PCNX1: variants seen among roughly 807,000 people sequenced by gnomAD.
PCNX1 encodes pecanex 1.
PCNX1 carries 78 observed loss-of-function variants against 242.2 expected under a neutral mutation model. The ratio of observed to expected loss-of-function variants is 0.32; its 90% CI spans 0.27 to 0.39. PCNX1 has a LOEUF of 0.39. Ranked by LOEUF, PCNX1 falls within the 10% of genes least tolerant of loss-of-function variation. The probability of loss-of-function intolerance (pLI) is 1.00; values close to 1 mark genes in which losing one functional copy is unlikely to be tolerated. For missense variants in PCNX1, 2,581 were observed against 2,856.5 expected (o/e 0.90, Z 2.20); for synonymous variants, 1,024 against 1,032.9 (o/e 0.99, Z 0.17).
intron 1 of PCNX1, among the ~76,000 whole-genome samples, chr14:70,911,517 C>G (rs34761065): frequency 0.07 from 10,578 of 152,062 alleles, 488 homozygotes; most frequent in East Asian, 0.27. Flanking sequence ...GGTACTCATT[C>G]TTTTTTATCT....
At chr14:71,010,204 C>T (rs573275516) in intron 9 of PCNX1, among the ~76,000 whole-genome samples, 1 of 152,096 alleles carries the variant, frequency 6.6e-6, no homozygotes, top group East Asian at 1.9e-4. Flanking sequence ...ATCAAGATAT[C>T]CCGAAGATCT....
intron 1 of PCNX1, among the ~76,000 whole-genome samples, chr14:70,938,392 T>C (rs2057097193): frequency 6.6e-6 from 1 of 152,166 alleles, no homozygotes; most frequent in Non-Finnish European, 1.5e-5. Flanking sequence ...GAGATAATCG[T>C]GGTTTTTGTC....
At chr14:70,959,596 A>G (rs1383211175) in intron 2 of PCNX1, among the ~76,000 whole-genome samples, 2 of 151,470 alleles carry the variant, frequency 1.3e-5, no homozygotes, top group African/African-American at 2.4e-5. Context: ...TCCATGGTGT[A>G]TATGTGCCAC....
chr14:70,958,924 T>TTA (rs1555348614), intron 2 of PCNX1, among the ~76,000 whole-genome samples: 6 of 141,134 alleles, frequency 4.3e-5, no homozygotes, highest in Non-Finnish European at 7.6e-5. Flanking sequence ...TTTTTTTTTT[T>TTA]ACATAATCAG....
At chr14:71,088,911 T>G (rs2141649817) in intron 29 of PCNX1, among the ~76,000 whole-genome samples, 1 of 152,324 alleles carries the variant, frequency 6.6e-6, no homozygotes, top group Middle Eastern at 3.4e-3. Flanking sequence ...CTGTGATAAC[T>G]ACATGTTTTC....
chr14:71,034,947 AC>A (rs1459633820), intron 18 of PCNX1, among the ~76,000 whole-genome samples: 1 of 152,238 alleles, frequency 6.6e-6, no homozygotes, highest in Admixed American at 6.5e-5. Flanking sequence ...TTCTATGACC[AC>A]TGATGGAACC....
At chr14:70,954,297 C>T (rs1193088205) in intron 2 of PCNX1, among the ~76,000 whole-genome samples, 1 of 152,114 alleles carries the variant, frequency 6.6e-6, no homozygotes, top group Admixed American at 6.5e-5. Context: ...ATTACCATAC[C>T]ATCCTTATCA....
Position 71,026,895 on chromosome 14 carries a change from T to G in PCNX1, c.3466+13T>G. On this transcript the variant is annotated intron_variant, in intron 15 of 35. Coordinates refer to ENST00000304743, the MANE Select transcript of PCNX1 (RefSeq NM_014982.3). ...TTTGGTGGTAATGGTGAGTACTTCT[T>G]TATAAAAATTATAGATTACAGTATT... 1.9e-6 allele frequency: 2 copies of G among 1,038,502 alleles called. No homozygotes were observed. The highest frequency in any genetic ancestry group is 3.0e-6 in the Non-Finnish European group (2 of 660,334). 64.3% of individuals were successfully genotyped at this position (1,038,502 alleles called of 1,614,324 possible). A position where few individuals can be genotyped will look rare whatever the true frequency, so the allele number is the denominator to read the frequency against.
At chr14:70,910,361 G>A (rs1048864912) in intron 1 of PCNX1, among the ~76,000 whole-genome samples, 3 of 150,998 alleles carry the variant, frequency 2.0e-5, no homozygotes, top group African/African-American at 7.3e-5. Context: ...CCACACAGAC[G>A]CCTCTGTGAT....
Position 71,045,299 on chromosome 14 carries a change from G to A in PCNX1, c.4018+16G>A. 10 of 1,571,812 alleles carry A rather than the reference G, an allele frequency of 6.4e-6. No homozygotes were observed. Among genetic ancestry groups the A allele is most frequent in the Non-Finnish European group, 8.7e-6 (10 of 1,154,608 alleles). Reference sequence around the variant, plus strand: ...GAAGTTCGAAGTAAGTATTTCATTAGCACTTTTTCTTTTTAATACTATGAG... The same window carrying A: ...GAAGTTCGAAGTAAGTATTTCATTAACACTTTTTCTTTTTAATACTATGAG... On this transcript the variant is annotated intron_variant, in intron 20 of 35. Transcript: ENST00000304743.
rs571508695 is a variant in PCNX1, at chr14:71,086,939, G to T, written c.5338-1391G>T. Among the ~76,000 whole-genome samples the T allele has an allele frequency of 5.1e-4, 78 of 152,192 alleles. 2 individuals are homozygous for T. The South Asian group carries it at 0.015, about 29-fold the overall frequency. Reference sequence around the variant, plus strand: ...CCCAGTCTTTGGCTGTTTCAGCTAGGGGGGTAAATATGGTCTCTATTGAAT... The same window carrying T: ...CCCAGTCTTTGGCTGTTTCAGCTAGTGGGGTAAATATGGTCTCTATTGAAT... On this transcript the variant is annotated intron_variant, in intron 28 of 35. Coordinates refer to ENST00000304743, the MANE Select transcript of PCNX1 (RefSeq NM_014982.3).
At chr14:70,987,398 T>C (rs563955022) in intron 6 of PCNX1, among the ~76,000 whole-genome samples, 15 of 152,332 alleles carry the variant, frequency 9.8e-5, no homozygotes, top group Non-Finnish European at 2.9e-5. Context: ...AATAGCCACA[T>C]ATGGCTAATG....
chr14:70,998,304 A>T (rs1487781815), intron 8 of PCNX1, among the ~76,000 whole-genome samples: 1 of 152,210 alleles, frequency 6.6e-6, no homozygotes, highest in Admixed American at 6.5e-5. Flanking sequence ...AACATCAGAC[A>T]TCATGGAAAA....
chr14:71,047,785 T>C (rs1198955324), intron 21 of PCNX1, 22 bp from the exon 22 acceptor site: 1 of 1,583,220 alleles, frequency 6.3e-7, no homozygotes, highest in East Asian at 2.2e-5. Context: ...ATGAGTTGAT[T>C]TGTGTTTTCT....
chr14:71,088,636 G>T (rs959714095), intron 29 of PCNX1, among the ~76,000 whole-genome samples: 30 of 151,982 alleles, frequency 2.0e-4, no homozygotes, highest in Admixed American at 7.9e-4. Flanking sequence ...CACACGTGTG[G>T]GTAGCCACTG....
At chr14:71,084,759 C>A (rs1361236952) in intron 28 of PCNX1, among the ~76,000 whole-genome samples, 1 of 152,224 alleles carries the variant, frequency 6.6e-6, no homozygotes, top group Non-Finnish European at 1.5e-5. Flanking sequence ...GAATTTCAAG[C>A]CAGTAGATCT....
At chr14:71,099,914 T>C (rs2062417218) in intron 30 of PCNX1, among the ~76,000 whole-genome samples, 1 of 152,230 alleles carries the variant, frequency 6.6e-6, no homozygotes, top group Non-Finnish European at 1.5e-5. Context: ...TTTGTTTGCA[T>C]GATAAATCTT....
rs777428603 is a variant in PCNX1 at position 71,057,579 on chromosome 14, T to C, written c.4707T>C (p.Cys1569=). Residue 1569 remains cysteine (C), a synonymous_variant, in exon 26 of 36, where the codon TGT becomes TGC. Coordinates refer to ENST00000304743, the MANE Select transcript of PCNX1 (RefSeq NM_014982.3). ...CTAGATCCCTACAGCACAGCCTCTG[T>C]GGTGATTTGCTACTAGGACGGTGGG... is the stretch of plus-strand genomic sequence containing the variant. ...HLTRSLQHSL[C]GDLLLGRWGN... is the part of the protein sequence containing the mutation. The C allele has an allele frequency of 6.2e-7, 1 of 1,613,846 alleles. No homozygotes were observed. The highest frequency in any genetic ancestry group is 1.1e-5 in the South Asian group (1 of 91,078).
intron 29 of PCNX1, among the ~76,000 whole-genome samples, chr14:71,088,898 T>C (rs2062060544): frequency 6.6e-6 from 1 of 152,224 alleles, no homozygotes; most frequent in Admixed American, 6.5e-5. Context: ...TTTAAATTTT[T>C]TTCTGTGATA....
Sources: allele counts gnomAD v4.1 joint callset (sites outside exome capture counted in the v4.1 genomes callset), GRCh38; gene constraint gnomAD v4.1.1; transcripts MANE v1.5; gene names NCBI Gene and HGNC (gene_info 2026-07-23, HGNC 2026-07-21).